Variants in MRTFA observed in about 807,000 individuals in gnomAD.
MRTFA encodes myocardin-related transcription factor A.
In MRTFA, 20 loss-of-function variants were observed where a neutral mutation model predicts 83.5. The observed-to-expected ratio is 0.24, with a 90% CI of 0.17 to 0.35. MRTFA has a LOEUF of 0.35. Ranked by LOEUF, MRTFA falls within the 10% of genes least tolerant of loss-of-function variation. The pLI is 1.00. For synonymous variants in MRTFA, 659 were observed against 541.2 expected (o/e 1.22, Z -3.02); for missense variants, 1,200 against 1,224.7 (o/e 0.98, Z 0.30).
intron 1 of MRTFA, among the ~76,000 whole-genome samples, chr22:40,634,223 G>C (rs972268316): frequency 6.6e-6 from 1 of 152,104 alleles, no homozygotes; most frequent in African/African-American, 2.4e-5. Flanking sequence ...GAGTAGCTGG[G>C]ACTACAGGTG....
intron 2 of MRTFA, among the ~76,000 whole-genome samples, chr22:40,564,681 C>G (rs1305567043): frequency 1.3e-5 from 2 of 152,176 alleles, no homozygotes; most frequent in East Asian, 3.9e-4. Flanking sequence ...GAGACGGAGC[C>G]TTGCACCGTC....
chr22:40,494,733 A>G (rs1447447723), intron 3 of MRTFA, among the ~76,000 whole-genome samples: 2 of 152,158 alleles, frequency 1.3e-5, no homozygotes, highest in African/African-American at 2.4e-5. Flanking sequence ...TACTTCAGCA[A>G]TTTTTAAAAA....
At chr22:40,491,061 A>G (rs1329138910) in intron 3 of MRTFA, among the ~76,000 whole-genome samples, 1 of 152,154 alleles carries the variant, frequency 6.6e-6, no homozygotes, top group Non-Finnish European at 1.5e-5. Context: ...CTATGAAAGA[A>G]GCCGAGCACG....
chr22:40,616,697 A>C lies in MRTFA; in HGVS notation c.-84+19781T>G, dbSNP rs143697281. Among the ~76,000 whole-genome samples, 357 of 152,320 alleles carry C rather than the reference A, an allele frequency of 2.3e-3. 2 individuals carry two copies. The highest frequency in any genetic ancestry group is 8.3e-3 in the African/African-American group (344 of 41,572). On this transcript the variant is annotated intron_variant, in intron 1 of 14. Transcript: ENST00000355630. ...TACAGAAATGGGGAACGTTGGAGCC[A>C]GAGCAACTTTAGCAGTAGGAAATGA...
intron 2 of MRTFA, among the ~76,000 whole-genome samples, chr22:40,573,342 C>T (rs1443934545): frequency 6.6e-6 from 1 of 152,166 alleles, no homozygotes; most frequent in African/African-American, 2.4e-5. Context: ...GCAACCTCTG[C>T]CTCCCAGGTT....
At chr22:40,557,606 T>C (rs1006285138) in intron 2 of MRTFA, among the ~76,000 whole-genome samples, 1 of 152,066 alleles carries the variant, frequency 6.6e-6, no homozygotes, top group African/African-American at 2.4e-5. Context: ...CCCTGTCTCT[T>C]TTTTAAAAAA....
At position 40,594,951 on chromosome 22, in the gene MRTFA, C is replaced by T. The variant is rs564779065; in HGVS notation, c.-83-216G>A. On this transcript the variant is annotated intron_variant, in intron 1 of 14. Transcript: ENST00000355630. ...TAAATAATAGGTAACACTGATTGGG[C>T]ACTTCCTATATGCTAGATACTGTTG... 3.3e-5 allele frequency among the ~76,000 whole-genome samples: 5 copies of T among 149,698 alleles called. No homozygotes were observed. In the South Asian group the frequency reaches 8.5e-4, roughly 25 times the overall value.
chr22:40,431,340 GT>G, intron 6 of MRTFA, 64 bp downstream of exon 6: 7 of 1,430,140 alleles, frequency 4.9e-6, no homozygotes, highest in Non-Finnish European at 6.9e-6. Context: ...GAAATGGGTA[GT>G]GCAGTAGTGA....
At chr22:40,602,236 A>G (rs1444295193) in intron 1 of MRTFA, among the ~76,000 whole-genome samples, 1 of 152,202 alleles carries the variant, frequency 6.6e-6, no homozygotes, top group Admixed American at 6.5e-5. Context: ...GTCAACAAAT[A>G]TTTTCCAAGT....
intron 3 of MRTFA, among the ~76,000 whole-genome samples, chr22:40,490,466 G>A (rs900609560): frequency 1.3e-5 from 2 of 152,090 alleles, no homozygotes; most frequent in Admixed American, 6.6e-5. Flanking sequence ...GGGCATGGTG[G>A]TGGGTACCTG....
intron 3 of MRTFA, among the ~76,000 whole-genome samples, chr22:40,464,866 T>C (rs983740827): frequency 2.0e-5 from 3 of 152,206 alleles, no homozygotes; most frequent in African/African-American, 7.2e-5. Flanking sequence ...TTTAAATGTC[T>C]GGGCCAACTT....
chr22:40,577,251 A>T (rs1042601383), intron 2 of MRTFA, among the ~76,000 whole-genome samples: 16 of 150,572 alleles, frequency 1.1e-4, no homozygotes, highest in Admixed American at 7.9e-4. Context: ...AAAAAAAAAA[A>T]AAAAAATTAA....
intron 3 of MRTFA, among the ~76,000 whole-genome samples, chr22:40,476,356 C>A (rs2053997712): frequency 6.6e-6 from 1 of 152,184 alleles, no homozygotes; most frequent in African/African-American, 2.4e-5. Flanking sequence ...TTGATTACCT[C>A]TCTTGCTTTC....
chr22:40,586,749 T>C, intron 2 of MRTFA: 1 of 304,284 alleles, frequency 3.3e-6, no homozygotes, highest in Non-Finnish European at 6.4e-6. Context: ...TTTCAGCTAC[T>C]GATGTCTTGG....
Position 40,416,909 on chromosome 22 carries a change from A to G in MRTFA, c.2578+77T>C. The G allele has an allele frequency of 4.2e-6, 6 of 1,431,140 alleles. No individual in the cohort carries two copies. The South Asian group carries it at 6.3e-5, about 15-fold the overall frequency. The allele number at this position is 1,431,140 out of a possible 1,614,324, so 88.7% of individuals were successfully genotyped here. A position where few individuals can be genotyped will look rare whatever the true frequency, so the allele number is the denominator to read the frequency against. ...GGTCACGCACGGAAGCATTCAATAA[A>G]AACAAACCAACCCAGGGCTAGAGAC... On this transcript the variant is annotated intron_variant, in intron 14 of 14. Transcript: ENST00000355630. The surrounding 1 kb of genome is among the most constrained non-coding windows in gnomAD (Gnocchi z 4.2).
intron 3 of MRTFA, among the ~76,000 whole-genome samples, chr22:40,536,993 A>G (rs1305290309): frequency 2.0e-4 from 12 of 60,754 alleles, no homozygotes; most frequent in Middle Eastern, 8.5e-3. Context: ...CCCGGCAGCC[A>G]CCCCGTCCGG....
At chr22:40,518,886 A>G (rs1489323179) in intron 3 of MRTFA, among the ~76,000 whole-genome samples, 2 of 150,346 alleles carry the variant, frequency 1.3e-5, no homozygotes, top group African/African-American at 4.9e-5. Context: ...CATTTTAAAT[A>G]TATTTATTTT....
rs1052042111 is a variant in MRTFA, at chr22:40,552,218, C to G, written c.129G>C (p.Gln43His). 1.8e-5 allele frequency: 7 copies of G among 398,946 alleles called. No homozygotes were observed. Among genetic ancestry groups the G allele is most frequent in the Non-Finnish European group, 2.7e-5 (6 of 226,118 alleles). The allele number at this position is 398,946 out of a possible 1,614,324, so 24.7% of individuals were successfully genotyped here. Residue 43 changes from glutamine (Q) to histidine (H), a missense_variant, in exon 3 of 15, where the codon CAG becomes CAC. By Grantham distance (24) the Gln-to-His change is conservative (BLOSUM62 0). Around this residue, in one of 2 missense-constraint regions of MRTFA, gnomAD observed 93 missense variants for 182.9 expected, o/e 0.51. Transcript: ENST00000355630. The stretch of plus-strand genomic sequence containing the variant: ...GCAGTTCATTGGCAACAGCTTCACT[C>G]TGGGGACTGGGTGCCGCAGATAAGG...
At chr22:40,501,970 C>A (rs2054487127) in intron 3 of MRTFA, among the ~76,000 whole-genome samples, 1 of 126,678 alleles carries the variant, frequency 7.9e-6, no homozygotes, top group Non-Finnish European at 1.7e-5. Context: ...GGGCGGCTGG[C>A]CGGGCGGGGG....
Sources: allele counts gnomAD v4.1 joint callset (sites outside exome capture counted in the v4.1 genomes callset), GRCh38; gene constraint gnomAD v4.1.1; regional missense constraint gnomAD v4.1.1; non-coding constraint Gnocchi (gnomAD v3.1); transcripts MANE v1.5; gene names NCBI Gene and HGNC (gene_info 2026-07-23, HGNC 2026-07-21).